FUT9: variants seen among roughly 807,000 people sequenced by gnomAD.
FUT9 encodes the protein 4-galactosyl-N-acetylglucosaminide 3-alpha-L-fucosyltransferase 9.
A neutral mutation model predicts 29.7 loss-of-function variants in FUT9; 15 were observed. The ratio of observed to expected loss-of-function variants is 0.51; its 90% confidence interval spans 0.34 to 0.78. The LOEUF (loss-of-function observed/expected upper bound fraction) is 0.78, where lower values mean the gene tolerates loss of function less well. FUT9 is among the 30% of genes least tolerant of loss of function. The pLI, the probability that FUT9 is intolerant of heterozygous loss-of-function variation, is 0.01. For synonymous variants in FUT9, 169 were observed against 153.7 expected (o/e 1.10, Z -0.74); for missense variants, 319 against 425.4 (o/e 0.75, Z 2.20).
intron 1 of FUT9, among the ~76,000 whole-genome samples, chr6:96,105,239 G>A (rs1036695425): frequency 8.5e-5 from 13 of 152,154 alleles, no homozygotes; most frequent in African/African-American, 2.7e-4. Context: ...ACAATATAAT[G>A]TATTTCATTT....
chr6:96,080,867 C>T (rs556554964), intron 1 of FUT9, among the ~76,000 whole-genome samples: 3 of 152,008 alleles, frequency 2.0e-5, no homozygotes, highest in Non-Finnish European at 2.9e-5. Context: ...AGTCCAGATT[C>T]GAACTCTTAT....
chr6:96,155,597 T>G lies in FUT9; in HGVS notation c.-9+41470T>G, dbSNP rs187839193. Among the ~76,000 whole-genome samples, 1,238 of 150,502 alleles carry G rather than the reference T, an allele frequency of 8.2e-3. 66 individuals carry two copies. Among genetic ancestry groups the G allele is most frequent in the Admixed American group, 0.078 (1,171 of 15,048 alleles). On this transcript the variant is annotated intron_variant, in intron 2 of 2. Coordinates refer to ENST00000302103, the MANE Select transcript of FUT9 (RefSeq NM_006581.4). ...CTGAGGAAGGAGAATGGTGTGAACC[T>G]GGGAGGCGGAGCTTGCAGTGAGCCG...
chr6:96,109,912 A>G lies in FUT9; in HGVS notation c.-97-4127A>G, dbSNP rs1582236934. On this transcript the variant is annotated intron_variant, in intron 1 of 2. Coordinates refer to ENST00000302103, the MANE Select transcript of FUT9 (RefSeq NM_006581.4). ...CCCTTCCCCTCACACCCAGAGCACT[A>G]TGGGTGTGAGGGGAACTATAGCTAC... Among the ~76,000 whole-genome samples the G allele has an allele frequency of 2.6e-5, 4 of 152,046 alleles. No individual in the cohort carries two copies. The South Asian group carries it at 8.3e-4, about 32-fold the overall frequency.
intron 1 of FUT9, among the ~76,000 whole-genome samples, chr6:96,074,757 G>A (rs1771116308): frequency 6.6e-6 from 1 of 151,982 alleles, no homozygotes; most frequent in Admixed American, 6.6e-5. Flanking sequence ...AAAGTAATTA[G>A]ATGGTTTTAG....
intron 1 of FUT9, among the ~76,000 whole-genome samples, chr6:96,106,213 CCCTT>C (rs58462407): frequency 1.1e-4 from 15 of 137,248 alleles, no homozygotes; most frequent in East Asian, 4.4e-4. Flanking sequence ...AATCCATCAA[CCCTT>C]CCTTCCTTCC....
Position 96,171,657 on chromosome 6 carries a change from C to A in FUT9, c.-8-31491C>A, listed in dbSNP as rs1468612968. Among the ~76,000 whole-genome samples the A allele has an allele frequency of 6.6e-5, 10 of 152,196 alleles. No homozygotes were observed. In the South Asian group the frequency reaches 8.3e-4, roughly 13 times the overall value. On this transcript the variant is annotated intron_variant, in intron 2 of 2. Transcript: ENST00000302103. ...TTATTTTTCTGGAGCAGGATAAAAACAAAATAGTGATATCTTTAACCTAAA... is the reference window on the plus strand; with the variant it reads ...TTATTTTTCTGGAGCAGGATAAAAAAAAAATAGTGATATCTTTAACCTAAA...
chr6:96,211,306 C>T lies in FUT9; in HGVS notation c.*7071C>T, dbSNP rs1459330560. ...ATTTTCTCTCCCTGTTATGAGCAAT[C>T]AGTAAATTTGTAGTCAATTTAACTT... On this transcript the variant is annotated 3_prime_UTR_variant, in exon 3 of 3. Coordinates refer to ENST00000302103, the MANE Select transcript of FUT9 (RefSeq NM_006581.4). 1 of 166,712 alleles carries T rather than the reference C, an allele frequency of 6.0e-6. No homozygotes were observed. The highest frequency in any genetic ancestry group is 6.6e-5 in the Admixed American group (1 of 15,198). The allele number at this position is 166,712 out of a possible 1,614,324, so 10.3% of individuals were successfully genotyped here.
chr6:96,112,643 T>A (rs1328301641), intron 1 of FUT9, among the ~76,000 whole-genome samples: 1 of 152,302 alleles, frequency 6.6e-6, no homozygotes, highest in African/African-American at 2.4e-5. Flanking sequence ...AATCAGAACA[T>A]AACGTTGTTT....
chr6:96,136,854 A>G, intron 2 of FUT9, among the ~76,000 whole-genome samples: 1 of 152,054 alleles, frequency 6.6e-6, no homozygotes, highest in East Asian at 1.9e-4. Context: ...CAAATTTCAC[A>G]AATAACAAAT....
chr6:96,061,131 T>C (rs1770866661), intron 1 of FUT9, among the ~76,000 whole-genome samples: 2 of 151,282 alleles, frequency 1.3e-5, no homozygotes, highest in South Asian at 4.2e-4. Context: ...GAACTTATAG[T>C]TTATTTCTGT....
chr6:96,108,553 T>C (rs1220688889), intron 1 of FUT9, among the ~76,000 whole-genome samples: 2 of 152,178 alleles, frequency 1.3e-5, no homozygotes, highest in African/African-American at 4.8e-5. Context: ...TTAGCGTTAA[T>C]GAGAATCAAG....
chr6:96,077,647 T>C (rs1771161192), intron 1 of FUT9, among the ~76,000 whole-genome samples: 1 of 152,178 alleles, frequency 6.6e-6, no homozygotes, highest in Admixed American at 6.5e-5. Flanking sequence ...AGCTCTTTGT[T>C]GGCTGGATTA....
chr6:96,202,888 C>T (rs1773753615), intron 2 of FUT9, among the ~76,000 whole-genome samples: 1 of 152,060 alleles, frequency 6.6e-6, no homozygotes, highest in African/African-American at 2.4e-5. Context: ...TTAAGGATAG[C>T]ATTGAAAAAA....
At chr6:96,142,212 T>G (rs1772476226) in intron 2 of FUT9, among the ~76,000 whole-genome samples, 1 of 152,206 alleles carries the variant, frequency 6.6e-6, no homozygotes, top group African/African-American at 2.4e-5. Context: ...TTCTAGGTCC[T>G]GAAGTTCATC....
intron 2 of FUT9, among the ~76,000 whole-genome samples, chr6:96,178,889 T>TA (rs1226611234): frequency 3.3e-5 from 5 of 152,082 alleles, no homozygotes; most frequent in Non-Finnish European, 7.4e-5. Context: ...TTGCAATCCA[T>TA]AAAATCACAT....
intron 2 of FUT9, among the ~76,000 whole-genome samples, chr6:96,188,306 G>C (rs910956440): frequency 4.0e-5 from 6 of 151,788 alleles, no homozygotes; most frequent in African/African-American, 1.5e-4. Flanking sequence ...CTGACTTGTT[G>C]CCCAGGCTAG....
chr6:96,057,440 T>G (rs1052611856), intron 1 of FUT9, among the ~76,000 whole-genome samples: 2 of 152,184 alleles, frequency 1.3e-5, no homozygotes, highest in Non-Finnish European at 2.9e-5. Flanking sequence ...ACATAGGCAC[T>G]GAATAATAAA....
chr6:96,080,987 G>A (rs149601264), intron 1 of FUT9, among the ~76,000 whole-genome samples: 51 of 151,910 alleles, frequency 3.4e-4, no homozygotes, highest in African/African-American at 1.1e-3. Flanking sequence ...CATTCATTAT[G>A]CACATGCAAC....
rs1773950150 is a variant in FUT9 at position 96,212,191 on chromosome 6, T to C, written c.*7956T>C. The C allele has an allele frequency of 2.4e-6, 1 of 412,430 alleles. No homozygotes were observed. Among genetic ancestry groups the C allele is most frequent in the African/African-American group, 2.1e-5 (1 of 48,542 alleles). The allele number at this position is 412,430 out of a possible 1,614,324, so 25.5% of individuals were successfully genotyped here. On this transcript the variant is annotated 3_prime_UTR_variant, in exon 3 of 3. Coordinates refer to ENST00000302103, the MANE Select transcript of FUT9 (RefSeq NM_006581.4). ...TATGGGCCAGAGTTACAATATCACATCTCCAGTCTCAGATTGGCCTCATTA... is the reference window on the plus strand; with the variant it reads ...TATGGGCCAGAGTTACAATATCACACCTCCAGTCTCAGATTGGCCTCATTA...
Sources: gnomAD v4.1 joint callset for allele counts (sites outside exome capture counted in the v4.1 genomes callset) on GRCh38, gnomAD v4.1.1 for gene constraint, MANE v1.5 for transcripts, NCBI Gene and HGNC (gene_info 2026-07-23, HGNC 2026-07-21) for gene names.